The following DLG2 variants were observed in gnomAD, a reference collection of about 807,000 sequenced individuals.
DLG2 encodes discs large MAGUK scaffold protein 2.
DLG2 carries 45 observed loss-of-function variants against 132.5 expected under a neutral mutation model. The observed-to-expected ratio is 0.34, with a 90% CI of 0.27 to 0.44. DLG2 has a LOEUF of 0.44. Ranked by LOEUF, DLG2 falls within the 20% of genes least tolerant of loss-of-function variation. DLG2 has a pLI of 1.00. For synonymous variants in DLG2, 424 were observed against 419.6 expected (o/e 1.01, Z -0.13); for missense variants, 1,045 against 1,196.9 (o/e 0.87, Z 1.87).
chr11:84,983,455 T>A (rs528560078), intron 6 of DLG2, among the ~76,000 whole-genome samples: 1 of 151,794 alleles, frequency 6.6e-6, no homozygotes, highest in East Asian at 1.9e-4. Context: ...TACTAATACA[T>A]CAAGGAAACA....
At chr11:84,358,913 A>T (rs1382442653) in intron 7 of DLG2, among the ~76,000 whole-genome samples, 2 of 151,946 alleles carry the variant, frequency 1.3e-5, no homozygotes, top group Non-Finnish European at 1.5e-5. Flanking sequence ...TGCAACTAGA[A>T]AATAAAAAAG....
intron 2 of DLG2, among the ~76,000 whole-genome samples, chr11:85,610,062 C>A (rs2080883322): frequency 6.6e-6 from 1 of 152,130 alleles, no homozygotes; most frequent in African/African-American, 2.4e-5. Flanking sequence ...AGGGAATCAA[C>A]CCTGAAGTCT....
chr11:84,364,273 T>C (rs1177978349), intron 7 of DLG2, among the ~76,000 whole-genome samples: 3 of 152,140 alleles, frequency 2.0e-5, no homozygotes, highest in Admixed American at 2.0e-4. Flanking sequence ...TTTGAAGCAA[T>C]TGTGAATGGG....
chr11:84,224,440 A>G (rs914728125), intron 8 of DLG2, among the ~76,000 whole-genome samples: 1 of 152,236 alleles, frequency 6.6e-6, no homozygotes, highest in Non-Finnish European at 1.5e-5. Flanking sequence ...TTAGAATGTC[A>G]GAATAAAAGA....
chr11:84,057,739 C>A (rs191411147), intron 11 of DLG2, among the ~76,000 whole-genome samples: 10 of 152,234 alleles, frequency 6.6e-5, no homozygotes, highest in Admixed American at 2.6e-4. Flanking sequence ...ATTCTAAATA[C>A]TTTTTGTGAA....
At chr11:84,657,784 T>G (rs1018561501) in intron 6 of DLG2, among the ~76,000 whole-genome samples, 1 of 152,180 alleles carries the variant, frequency 6.6e-6, no homozygotes, top group African/African-American at 2.4e-5. Context: ...TAGGCCACAC[T>G]CAACTGCAGG....
intron 6 of DLG2, among the ~76,000 whole-genome samples, chr11:84,802,505 G>T (rs763494409): frequency 1.3e-5 from 2 of 152,094 alleles, no homozygotes; most frequent in African/African-American, 4.8e-5. Flanking sequence ...AGGAGCTACG[G>T]TTATGGAGTG....
intron 16 of DLG2, among the ~76,000 whole-genome samples, chr11:83,867,898 G>T (rs541246520): frequency 1.3e-5 from 2 of 151,984 alleles, no homozygotes; most frequent in African/African-American, 4.8e-5. Context: ...TATTTTAAGC[G>T]CTACACATGT....
intron 6 of DLG2, among the ~76,000 whole-genome samples, chr11:84,934,514 T>TTTTG (rs373127852): frequency 1.2e-5 from 1 of 85,638 alleles, no homozygotes; most frequent in African/African-American, 5.5e-5. Flanking sequence ...GTTTTTTTTT[T>TTTTG]GTTTTGTTTT....
At chr11:84,351,291 C>T (rs920935881) in intron 7 of DLG2, among the ~76,000 whole-genome samples, 3 of 152,066 alleles carry the variant, frequency 2.0e-5, no homozygotes, top group Non-Finnish European at 4.4e-5. Context: ...AGGTGCTCCC[C>T]TGACTTCATC....
At chr11:83,818,947 A>G (rs1694223516) in intron 17 of DLG2, among the ~76,000 whole-genome samples, 1 of 152,202 alleles carries the variant, frequency 6.6e-6, no homozygotes, top group South Asian at 2.1e-4. Flanking sequence ...ATGTTTATGC[A>G]AATCCACTGC....
At chr11:84,456,448 A>C (rs994307985) in intron 7 of DLG2, among the ~76,000 whole-genome samples, 2 of 151,362 alleles carry the variant, frequency 1.3e-5, no homozygotes, top group Non-Finnish European at 3.0e-5. Flanking sequence ...AGTGCTTTAC[A>C]GGAAGTTCAT....
chr11:84,881,986 A>G (rs1241343977), intron 6 of DLG2, among the ~76,000 whole-genome samples: 3 of 152,132 alleles, frequency 2.0e-5, no homozygotes, highest in Non-Finnish European at 4.4e-5. Flanking sequence ...TAATTTTAAA[A>G]TGTTTGCTTT....
At chr11:85,017,909 A>G (rs1456033706) in intron 6 of DLG2, among the ~76,000 whole-genome samples, 2 of 152,030 alleles carry the variant, frequency 1.3e-5, no homozygotes, top group Non-Finnish European at 2.9e-5. Flanking sequence ...AGGCTTTCTC[A>G]GTTATCTCTT....
chr11:83,644,637 C>T (rs2067583946), intron 18 of DLG2, among the ~76,000 whole-genome samples: 1 of 152,118 alleles, frequency 6.6e-6, no homozygotes, highest in Non-Finnish European at 1.5e-5. Context: ...AGCCCCCAAA[C>T]TCATAAACAG....
At position 84,402,742 on chromosome 11, in the gene DLG2, T is replaced by C. The variant is rs1281356199; in HGVS notation, c.519+131828A>G. On this transcript the variant is annotated intron_variant, in intron 7 of 27. Coordinates refer to ENST00000376104, the MANE Select transcript of DLG2 (RefSeq NM_001142699.3). ...CTAAAAATACAAGAAATTAGCCCAG[T>C]GAGGTGGCGGGCGCCTGTAGTCTCA... Among the ~76,000 whole-genome samples, 5 of 151,554 alleles carry C rather than the reference T, an allele frequency of 3.3e-5. No individual in the cohort carries two copies. The East Asian group carries it at 7.8e-4, about 24-fold the overall frequency.
intron 3 of DLG2, among the ~76,000 whole-genome samples, chr11:85,429,353 G>T (rs1436438872): frequency 6.6e-6 from 1 of 152,138 alleles, no homozygotes; most frequent in East Asian, 1.9e-4. Context: ...TATCCCTGAT[G>T]ACAAATGGGA....
At position 84,968,932 on chromosome 11, in the gene DLG2, T is replaced by A. The variant is rs140703095; in HGVS notation, c.357+142729A>T. Reference sequence around the variant, plus strand: ...AACACGTTTTACCCTTCATCTTTAGTTCTTTCGGAAAAATAGTTCTCTGCT... The same window carrying A: ...AACACGTTTTACCCTTCATCTTTAGATCTTTCGGAAAAATAGTTCTCTGCT... On this transcript the variant is annotated intron_variant, in intron 6 of 27. Transcript: ENST00000376104. Among the ~76,000 whole-genome samples the A allele has an allele frequency of 1.1e-4, 16 of 152,266 alleles. No individual in the cohort carries two copies. In the Middle Eastern group the frequency reaches 0.01, roughly 97 times the overall value.
intron 6 of DLG2, among the ~76,000 whole-genome samples, chr11:84,550,494 C>G (rs900008780): frequency 1.3e-5 from 2 of 152,212 alleles, no homozygotes; most frequent in African/African-American, 2.4e-5. Context: ...ACTGCTCATT[C>G]AAGCTACTCT....
Sources: gnomAD v4.1 joint callset for allele counts (sites outside exome capture counted in the v4.1 genomes callset) on GRCh38, gnomAD v4.1.1 for gene constraint, MANE v1.5 for transcripts, NCBI Gene and HGNC (gene_info 2026-07-23, HGNC 2026-07-21) for gene names.